CSMD1: variants seen among roughly 807,000 people sequenced by gnomAD.
The protein encoded by CSMD1 is CUB and sushi domain-containing protein 1.
In CSMD1, 213 loss-of-function variants were observed where a neutral mutation model predicts 417.5. That is an observed-to-expected ratio of 0.51 (90% CI 0.46 to 0.57). CSMD1 has a LOEUF of 0.57. Among genes scored for constraint, CSMD1 ranks in the 20% least tolerant of loss-of-function variants. CSMD1 has a pLI of 0.00. For synonymous variants in CSMD1, 2,862 were observed against 1,736.8 expected (o/e 1.65, Z -16.11); for missense variants, 6,923 against 4,529.7 (o/e 1.53, Z -15.17).
At chr8:3,387,911 C>G (rs374594152) in intron 17 of CSMD1, among the ~76,000 whole-genome samples, 125 of 152,314 alleles carry the variant, frequency 8.2e-4, no homozygotes, top group African/African-American at 2.9e-3. Flanking sequence ...ATATTATCTA[C>G]ATACAACAAC....
chr8:3,020,764 G>A (rs1264543392), intron 51 of CSMD1, among the ~76,000 whole-genome samples: 1 of 152,106 alleles, frequency 6.6e-6, no homozygotes, highest in East Asian at 1.9e-4. Context: ...ACCAGAAATT[G>A]GGAGGTCCAA....
chr8:4,235,623 C>A (rs991058100), intron 3 of CSMD1, among the ~76,000 whole-genome samples: 1 of 152,146 alleles, frequency 6.6e-6, no homozygotes, highest in Non-Finnish European at 1.5e-5. Flanking sequence ...CTGGCCTGCT[C>A]AACTTACTGA....
intron 4 of CSMD1, among the ~76,000 whole-genome samples, chr8:4,011,285 GT>G (rs1554515569): frequency 6.6e-6 from 1 of 152,120 alleles, no homozygotes; most frequent in Non-Finnish European, 1.5e-5. Flanking sequence ...GACTATTTGT[GT>G]TTTTAGTGGA....
chr8:3,191,251 T>A (rs1235210929), intron 33 of CSMD1, among the ~76,000 whole-genome samples: 1 of 152,064 alleles, frequency 6.6e-6, no homozygotes, highest in Non-Finnish European at 1.5e-5. Flanking sequence ...GGTCGAGAGT[T>A]CGTTTATCAG....
rs74546049 is a variant in CSMD1, at chr8:4,745,600, G to A, written c.86-108042C>T. ...ATTTCTTAGATGCTAGAAATAAAGA[G>A]AGAGAGAGGGAGAAGTAGAATGTAG... On this transcript the variant is annotated intron_variant, in intron 1 of 69. Coordinates refer to ENST00000635120, the MANE Select transcript of CSMD1 (RefSeq NM_033225.6). 1.4e-4 allele frequency among the ~76,000 whole-genome samples: 22 copies of A among 152,170 alleles called. No homozygotes were observed. In the East Asian group the frequency reaches 2.3e-3, roughly 16 times the overall value.
rs994221467 is a variant in CSMD1, at chr8:3,817,159, G to A, written c.819-63117C>T. On this transcript the variant is annotated intron_variant, in intron 5 of 69. Transcript: ENST00000635120. ...TGAAGGGACATGTGTTCCTCGAGTA[G>A]AAAGAGACGACCCCTCCCCCTCCCC... 2.0e-5 allele frequency among the ~76,000 whole-genome samples: 3 copies of A among 146,756 alleles called. No individual in the cohort carries two copies. The Admixed American group carries it at 2.1e-4, about 10-fold the overall frequency.
intron 5 of CSMD1, among the ~76,000 whole-genome samples, chr8:3,890,897 G>C (rs912184953): frequency 1.3e-5 from 2 of 152,130 alleles, no homozygotes; most frequent in African/African-American, 4.8e-5. Flanking sequence ...GAGTGTGCTA[G>C]CTACTCTCTC....
intron 2 of CSMD1, among the ~76,000 whole-genome samples, chr8:4,631,830 G>C (rs1045292707): frequency 6.6e-6 from 1 of 152,078 alleles, no homozygotes; most frequent in African/African-American, 2.4e-5. Flanking sequence ...AAAGACCGAC[G>C]AACTCGAGAT....
At chr8:4,752,484 A>G (rs978778331) in intron 1 of CSMD1, among the ~76,000 whole-genome samples, 4 of 152,196 alleles carry the variant, frequency 2.6e-5, no homozygotes, top group African/African-American at 9.7e-5. Flanking sequence ...GATCTTTGCT[A>G]GTGGCTTTGG....
At chr8:4,791,821 G>A (rs576561696) in intron 1 of CSMD1, among the ~76,000 whole-genome samples, 1 of 152,002 alleles carries the variant, frequency 6.6e-6, no homozygotes, top group Non-Finnish European at 1.5e-5. Context: ...CTCTGACACT[G>A]ACCTACAAAA....
chr8:4,609,218 G>A (rs138063221), intron 2 of CSMD1, among the ~76,000 whole-genome samples: 319 of 152,240 alleles, frequency 2.1e-3, no homozygotes, highest in African/African-American at 7.3e-3. Context: ...TGGACAAGAT[G>A]GTGAAACCCT....
intron 2 of CSMD1, among the ~76,000 whole-genome samples, chr8:4,609,134 TCATGCATGTAATCC>T (rs1284620857): frequency 6.6e-6 from 1 of 152,208 alleles, no homozygotes; most frequent in African/African-American, 2.4e-5. Flanking sequence ...ATGCGCTGGC[TCATGCATGTAATCC>T]CAGCACTTTG....
intron 3 of CSMD1, among the ~76,000 whole-genome samples, chr8:4,318,015 A>G (rs1280158723): frequency 1.3e-5 from 2 of 152,186 alleles, no homozygotes; most frequent in East Asian, 1.9e-4. Flanking sequence ...ATTAGAATCC[A>G]GGAGTAATTC....
chr8:3,708,339 G>A, intron 7 of CSMD1, 75 bp downstream of exon 7: 19 of 1,219,224 alleles, frequency 1.6e-5, no homozygotes, highest in Non-Finnish European at 2.2e-5. Context: ...GGGTGGGATC[G>A]CTTCTTAACT....
At chr8:4,287,656 G>GTAT (rs57908266) in intron 3 of CSMD1, among the ~76,000 whole-genome samples, 64,158 of 145,860 alleles carry the variant, frequency 0.44, 14,301 homozygotes, top group Admixed American at 0.47. Context: ...GTCATAGGTG[G>GTAT]TATTATTATT....
chr8:4,164,880 G>GAA (rs35866569), intron 3 of CSMD1, among the ~76,000 whole-genome samples: 1 of 107,882 alleles, frequency 9.3e-6, no homozygotes, highest in Non-Finnish European at 1.9e-5. Flanking sequence ...CCATCTCAAA[G>GAA]AAAAAAAAAA....
Position 3,088,843 on chromosome 8 carries a change from T to TAAAA in CSMD1, c.7286-1562_7286-1559dup, listed in dbSNP as rs5888943. ...CAATGGCTTGGAATCACTGTGCTAG[T>TAAAA]AAAAAAAAAAAAAAAAAAAAGTTAA... On this transcript the variant is annotated intron_variant, in intron 48 of 69. Transcript: ENST00000635120. Among the ~76,000 whole-genome samples, 13 of 114,028 alleles carry TAAAA rather than the reference T, an allele frequency of 1.1e-4. 1 individual carries two copies. The highest frequency in any genetic ancestry group is 3.7e-4 in the African/African-American group (11 of 29,340). 74.8% of individuals were successfully genotyped at this position (114,028 alleles called of 152,430 possible).
chr8:3,205,434 A>G, intron 31 of CSMD1, 70 bp downstream of exon 31: 1 of 799,764 alleles, frequency 1.3e-6, no homozygotes, highest in African/African-American at 1.7e-5. Flanking sequence ...ATACTTGTTT[A>G]TCAAATGACA....
At chr8:3,453,332 G>C (rs1010137968) in intron 12 of CSMD1, among the ~76,000 whole-genome samples, 9 of 151,982 alleles carry the variant, frequency 5.9e-5, no homozygotes, top group Non-Finnish European at 1.3e-4. Flanking sequence ...TCTGATCTTA[G>C]TTATTTCTCA....
Sources: gnomAD v4.1 joint callset for allele counts (sites outside exome capture counted in the v4.1 genomes callset) on GRCh38, gnomAD v4.1.1 for gene constraint, MANE v1.5 for transcripts, NCBI Gene and HGNC (gene_info 2026-07-23, HGNC 2026-07-21) for gene names.